The following PCDHA12 variants were observed in gnomAD, a reference collection of about 807,000 sequenced individuals.
The protein encoded by PCDHA12 is protocadherin alpha 12.
A neutral mutation model predicts 60.0 loss-of-function variants in PCDHA12; 44 were observed. The ratio of observed to expected loss-of-function variants is 0.73; its 90% CI spans 0.58 to 0.94. The LOEUF (loss-of-function observed/expected upper bound fraction) is 0.94, where lower values mean the gene tolerates loss of function less well. Ranked by LOEUF, PCDHA12 falls within the 40% of genes least tolerant of loss-of-function variation. PCDHA12 has a pLI of 0.00. For synonymous variants in PCDHA12, 569 were observed against 553.0 expected (o/e 1.03, Z -0.40); for missense variants, 1,276 against 1,239.7 (o/e 1.03, Z -0.44).
rs2057210526 is a variant in PCDHA12 at position 140,877,572 on chromosome 5, C to T, written c.2100C>T (p.Leu700=). Reference sequence around the variant, plus strand: ...CTCTGGTGGATATTAACGTGTACCTCATCATCGCCATCTGTGCGGTGTCCA... The same window carrying T: ...CTCTGGTGGATATTAACGTGTACCTTATCATCGCCATCTGTGCGGTGTCCA... ...EAALVDINVY[L]IIAICAVSSL... is the part of the protein sequence containing the mutation. The change falls in exon 1 of 4, where the codon CTC becomes CTT. Residue 700 remains leucine (L), a synonymous_variant. Transcript: ENST00000398631. The T allele has an allele frequency of 3.7e-6, 6 of 1,613,784 alleles. No individual in the cohort carries two copies. The highest frequency in any genetic ancestry group is 4.2e-6 in the Non-Finnish European group (5 of 1,179,904).
At chr5:140,960,265 T>A (rs1380537220) in intron 1 of PCDHA12, among the ~76,000 whole-genome samples, 2 of 152,174 alleles carry the variant, frequency 1.3e-5, no homozygotes, top group African/African-American at 4.8e-5. Context: ...TTCTGATAAA[T>A]TCCGTCACCT....
chr5:140,942,769 T>A (rs1554215212), intron 1 of PCDHA12, among the ~76,000 whole-genome samples: 1 of 152,202 alleles, frequency 6.6e-6, no homozygotes, highest in Non-Finnish European at 1.5e-5. Flanking sequence ...GCATAATGTA[T>A]TTTTAGGCAG....
At chr5:140,956,784 G>T (rs549737881) in intron 1 of PCDHA12, among the ~76,000 whole-genome samples, 373 of 152,090 alleles carry the variant, frequency 2.5e-3, no homozygotes, top group Non-Finnish European at 3.7e-3. Flanking sequence ...CCTGGGCTTT[G>T]TTTGCTTGGT....
At chr5:140,885,738 C>T (rs1160742683) in intron 1 of PCDHA12, among the ~76,000 whole-genome samples, 5 of 151,978 alleles carry the variant, frequency 3.3e-5, no homozygotes, top group African/African-American at 1.2e-4. Flanking sequence ...TGATATTTCA[C>T]TGTTACTTTA....
chr5:140,966,691 G>A, intron 1 of PCDHA12: 3 of 1,349,440 alleles, frequency 2.2e-6, no homozygotes, highest in Non-Finnish European at 1.9e-6. Context: ...GCGGAGGCGG[G>A]GCCCGGGCGT....
In PCDHA12 at chr5:140,917,330, A is replaced by T. The variant is rs155802; in HGVS notation, c.2367+39491A>T. On this transcript the variant is annotated intron_variant, in intron 1 of 3. Coordinates refer to ENST00000398631, the MANE Select transcript of PCDHA12 (RefSeq NM_018903.4). The stretch of plus-strand genomic sequence containing the variant: ...CAATTTGGTGTTCATGTGGCGGGGG[A>T]GGGGGGGGATGGTGTAGGCTTCTGT... Among the ~76,000 whole-genome samples, 56 of 103,230 alleles carry T rather than the reference A, an allele frequency of 5.4e-4. 2 individuals are homozygous for T. In the South Asian group the frequency reaches 0.01, roughly 19 times the overall value. The allele number at this position is 103,230 out of a possible 152,430, so 67.7% of individuals were successfully genotyped here.
intron 1 of PCDHA12, among the ~76,000 whole-genome samples, chr5:140,936,910 G>A (rs1221304306): frequency 6.6e-6 from 1 of 152,062 alleles, no homozygotes; most frequent in African/African-American, 2.4e-5. Context: ...TATTGAATCT[G>A]TAGAAAATAT....
chr5:140,990,649 T>C (rs1465284882), intron 3 of PCDHA12, among the ~76,000 whole-genome samples: 1 of 152,212 alleles, frequency 6.6e-6, no homozygotes, highest in African/African-American at 2.4e-5. Context: ...TCAGCCAGTA[T>C]GAATGATTTA....
intron 1 of PCDHA12, among the ~76,000 whole-genome samples, chr5:140,965,073 TCTGA>T (rs1372324599): frequency 1.3e-5 from 2 of 152,186 alleles, no homozygotes; most frequent in African/African-American, 4.8e-5. Context: ...CAGGTCTCAC[TCTGA>T]CTTTGTTCCA....
At chr5:140,957,851 T>TG (rs2095389296) in intron 1 of PCDHA12, among the ~76,000 whole-genome samples, 1 of 136,014 alleles carries the variant, frequency 7.4e-6, no homozygotes. Flanking sequence ...AGAGTTTGTG[T>TG]ATTTTTTTTC....
intron 1 of PCDHA12, among the ~76,000 whole-genome samples, chr5:140,905,904 C>T (rs2072197856): frequency 6.6e-6 from 1 of 152,160 alleles, no homozygotes; most frequent in African/African-American, 2.4e-5. Context: ...AGCTGAGGAG[C>T]AAGGAATCCA....
intron 1 of PCDHA12, chr5:140,967,369 G>A (rs147557274): frequency 2.4e-5 from 38 of 1,607,564 alleles, no homozygotes; most frequent in Non-Finnish European, 2.9e-5. Context: ...AGCCCCTGCA[G>A]GAGAACAGTA....
intron 1 of PCDHA12, among the ~76,000 whole-genome samples, chr5:140,896,645 A>G (rs988054711): frequency 1.3e-5 from 2 of 151,728 alleles, no homozygotes; most frequent in African/African-American, 4.8e-5. Context: ...CCAAAGTGCT[A>G]GTATTACAGG....
chr5:140,878,406 T>A (rs1198360264), intron 1 of PCDHA12, among the ~76,000 whole-genome samples: 2 of 152,254 alleles, frequency 1.3e-5, no homozygotes, highest in Non-Finnish European at 2.9e-5. Flanking sequence ...CAAAATATCT[T>A]CTTTATTTCA....
intron 1 of PCDHA12, among the ~76,000 whole-genome samples, chr5:140,921,752 C>T (rs1429216387): frequency 6.6e-6 from 1 of 152,130 alleles, no homozygotes; most frequent in Non-Finnish European, 1.5e-5. Context: ...TAACAGGACA[C>T]TTCTTGGCTA....
chr5:140,952,416 G>T (rs114343205), intron 1 of PCDHA12, among the ~76,000 whole-genome samples: 1 of 151,730 alleles, frequency 6.6e-6, no homozygotes, highest in Non-Finnish European at 1.5e-5. Context: ...TTAATGTTCC[G>T]CAGATTCCTA....
At position 140,954,715 on chromosome 5, in the gene PCDHA12, G is replaced by A. The variant is rs189929573; in HGVS notation, c.2368-24234G>A. Among the ~76,000 whole-genome samples, 246 of 152,208 alleles carry A rather than the reference G, an allele frequency of 1.6e-3. 8 individuals carry two copies. Among genetic ancestry groups the A allele is most frequent in the Middle Eastern group, 3.4e-3 (1 of 294 alleles). ...GACTACAAAATTTTTCTCCCATTCT[G>A]TAGGTTGTCTTTTCACTCTGATGAT... On this transcript the variant is annotated intron_variant, in intron 1 of 3. Coordinates refer to ENST00000398631, the MANE Select transcript of PCDHA12 (RefSeq NM_018903.4).
At chr5:140,900,456 T>C (rs902615387) in intron 1 of PCDHA12, among the ~76,000 whole-genome samples, 3 of 152,210 alleles carry the variant, frequency 2.0e-5, no homozygotes, top group Non-Finnish European at 2.9e-5. Flanking sequence ...TTTTTATTTT[T>C]AGTAGACACG....
Position 140,884,627 on chromosome 5 carries a change from G to C in PCDHA12, c.2367+6788G>C, listed in dbSNP as rs140550923. On this transcript the variant is annotated intron_variant, in intron 1 of 3. Transcript: ENST00000398631. ...TTGTCTGGGTTCTGCAGAGGGAACA[G>C]GCCAGAGGGAGGAGGACTCAGAATG... The C allele has an allele frequency of 4.8e-5, 77 of 1,612,780 alleles. No individual in the cohort carries two copies. In the African/African-American group the frequency reaches 8.8e-4, roughly 18 times the overall value.
Sources: allele counts gnomAD v4.1 joint callset (sites outside exome capture counted in the v4.1 genomes callset), GRCh38; gene constraint gnomAD v4.1.1; transcripts MANE v1.5; gene names NCBI Gene and HGNC (gene_info 2026-07-23, HGNC 2026-07-21).